The following DPP10 variants were observed in gnomAD, a reference collection of about 807,000 sequenced individuals.
The protein encoded by DPP10 is dipeptidyl peptidase like 10.
A neutral mutation model predicts 120.9 loss-of-function variants in DPP10; 33 were observed. That is an observed-to-expected ratio of 0.27 (90% CI 0.21 to 0.37). DPP10 has a LOEUF of 0.37. Among genes scored for constraint, DPP10 ranks in the 10% least tolerant of loss-of-function variants. The pLI is 1.00. For missense variants in DPP10, 816 were observed against 942.8 expected, an observed-to-expected ratio of 0.87 and a Z score of 1.76; for synonymous variants, 337 against 326.1, an observed-to-expected ratio of 1.03 and a Z score of -0.36.
chr2:115,409,193 CT>C (rs1384336710), intron 3 of DPP10, among the ~76,000 whole-genome samples: 1 of 152,124 alleles, frequency 6.6e-6, no homozygotes, highest in Non-Finnish European at 1.5e-5. Context: ...TTATGAACTA[CT>C]TTATTCCAAT....
intron 1 of DPP10, among the ~76,000 whole-genome samples, chr2:114,722,680 G>A (rs1342673876): frequency 6.6e-6 from 1 of 150,464 alleles, no homozygotes; most frequent in Non-Finnish European, 1.5e-5. Flanking sequence ...GGAGGCTGAG[G>A]CAGGAGAATG....
At chr2:115,667,848 A>T (rs1187262736) in intron 5 of DPP10, among the ~76,000 whole-genome samples, 1 of 151,422 alleles carries the variant, frequency 6.6e-6, no homozygotes, top group Non-Finnish European at 1.5e-5. Flanking sequence ...ATATTCTTTT[A>T]TTTCATTCTG....
chr2:115,586,049 G>A (rs945577443), intron 5 of DPP10, among the ~76,000 whole-genome samples: 5 of 152,168 alleles, frequency 3.3e-5, no homozygotes, highest in East Asian at 1.9e-4. Context: ...AAGGCCAGGT[G>A]TGGTGGCTCA....
chr2:114,530,781 G>A (rs1297084405), intron 1 of DPP10, among the ~76,000 whole-genome samples: 2 of 152,072 alleles, frequency 1.3e-5, no homozygotes, highest in Non-Finnish European at 2.9e-5. Context: ...TAATTCTTAA[G>A]TTTTGCAGAA....
chr2:115,069,354 G>C (rs573050463), intron 1 of DPP10, among the ~76,000 whole-genome samples: 1 of 152,092 alleles, frequency 6.6e-6, no homozygotes, highest in East Asian at 1.9e-4. Flanking sequence ...TTAGTGTATA[G>C]AAATGCCACA....
intron 1 of DPP10, among the ~76,000 whole-genome samples, chr2:114,779,961 C>T (rs543227469): frequency 6.6e-6 from 1 of 151,962 alleles, no homozygotes; most frequent in African/African-American, 2.4e-5. Flanking sequence ...ATGGTGAAAC[C>T]CCATCTCTAC....
intron 1 of DPP10, among the ~76,000 whole-genome samples, chr2:114,511,989 A>G (rs1684185295): frequency 6.6e-6 from 1 of 152,238 alleles, no homozygotes; most frequent in Non-Finnish European, 1.5e-5. Flanking sequence ...GGCAACTATC[A>G]AAACAATAAT....
At chr2:114,931,765 C>A (rs371633419) in intron 1 of DPP10, among the ~76,000 whole-genome samples, 1 of 152,198 alleles carries the variant, frequency 6.6e-6, no homozygotes, top group Non-Finnish European at 1.5e-5. Flanking sequence ...AGCTGCATGT[C>A]AGGATCTTCT....
chr2:114,628,323 T>G (rs1197271961), intron 1 of DPP10, among the ~76,000 whole-genome samples: 4 of 152,176 alleles, frequency 2.6e-5, no homozygotes, highest in Non-Finnish European at 5.9e-5. Flanking sequence ...AGTATCTATA[T>G]TTTGAATCAG....
intron 1 of DPP10, among the ~76,000 whole-genome samples, chr2:114,612,277 A>C (rs1042976622): frequency 6.6e-6 from 1 of 152,046 alleles, no homozygotes; most frequent in Non-Finnish European, 1.5e-5. Context: ...ACATTCCTGC[A>C]TCCCTTTTTA....
chr2:115,535,230 G>GT (rs2078740510), intron 5 of DPP10, among the ~76,000 whole-genome samples: 1 of 150,898 alleles, frequency 6.6e-6, no homozygotes, highest in Non-Finnish European at 1.5e-5. Flanking sequence ...TTCTTCTAGG[G>GT]TTTTTATGGT....
chr2:115,310,724 T>A (rs2061542731), intron 2 of DPP10, among the ~76,000 whole-genome samples: 1 of 152,154 alleles, frequency 6.6e-6, no homozygotes, highest in Admixed American at 6.5e-5. Context: ...CAAGAATCAT[T>A]GTTACAGGAA....
chr2:115,650,124 C>T (rs1435778638), intron 5 of DPP10, among the ~76,000 whole-genome samples: 1 of 152,076 alleles, frequency 6.6e-6, no homozygotes, highest in African/African-American at 2.4e-5. Flanking sequence ...ACTCAATTCT[C>T]TCTTTGATGG....
intron 7 of DPP10, among the ~76,000 whole-genome samples, chr2:115,710,963 C>CT (rs1470413328): frequency 1.3e-5 from 2 of 151,944 alleles, no homozygotes; most frequent in African/African-American, 4.8e-5. Context: ...AAGAAGTTTG[C>CT]TTTTAGAATC....
intron 2 of DPP10, among the ~76,000 whole-genome samples, chr2:115,318,260 G>T (rs909712440): frequency 1.3e-5 from 2 of 151,856 alleles, no homozygotes; most frequent in African/African-American, 2.4e-5. Context: ...GTTATTTCTG[G>T]GCTTATAATT....
At chr2:114,964,163 G>A (rs893499041) in intron 1 of DPP10, among the ~76,000 whole-genome samples, 3 of 152,178 alleles carry the variant, frequency 2.0e-5, no homozygotes, top group Admixed American at 1.3e-4. Flanking sequence ...GATTAAATGT[G>A]ACTATGAACA....
At chr2:115,197,748 C>T (rs2055389406) in intron 1 of DPP10, among the ~76,000 whole-genome samples, 1 of 152,036 alleles carries the variant, frequency 6.6e-6, no homozygotes, top group African/African-American at 2.4e-5. Context: ...AATTTGCATC[C>T]CATTTGGATG....
At chr2:115,699,451 G>A (rs1267373480) in intron 7 of DPP10, among the ~76,000 whole-genome samples, 1 of 151,948 alleles carries the variant, frequency 6.6e-6, no homozygotes, top group African/African-American at 2.4e-5. Context: ...AAAATACAAA[G>A]ATTAGCTGGA....
At chr2:114,734,709 A>G (rs1677251371) in intron 1 of DPP10, among the ~76,000 whole-genome samples, 2 of 152,204 alleles carry the variant, frequency 1.3e-5, no homozygotes, top group Non-Finnish European at 2.9e-5. Context: ...AGATTATCAC[A>G]GAAAAGTGTC....
Sources: gnomAD v4.1 joint callset for allele counts (sites outside exome capture counted in the v4.1 genomes callset) on GRCh38, gnomAD v4.1.1 for gene constraint, MANE v1.5 for transcripts, NCBI Gene and HGNC (gene_info 2026-07-23, HGNC 2026-07-21) for gene names.